Variants in CHD8 observed in about 807,000 individuals in gnomAD.
The protein encoded by CHD8 is ATP-dependent chromatin remodeler CHD8.
In CHD8, 31 loss-of-function variants were observed where a neutral mutation model predicts 279.2. The observed-to-expected ratio is 0.11, with a 90% CI of 0.08 to 0.15. The LOEUF (loss-of-function observed/expected upper bound fraction) is 0.15, where lower values mean the gene tolerates loss of function less well. Ranked by LOEUF, CHD8 falls within the 10% of genes least tolerant of loss-of-function variation. The pLI is 1.00. For missense variants in CHD8, 2,146 were observed against 3,230.5 expected (o/e 0.66, Z 8.14); for synonymous variants, 1,081 against 1,139.6 (o/e 0.95, Z 1.04).
chr14:21,430,764 G>A (rs1889532745), intron 2 of CHD8, 37 bp downstream of exon 2: 1 of 1,443,534 alleles, frequency 6.9e-7, no homozygotes, highest in African/African-American at 1.4e-5. Flanking sequence ...GGCCCTCTAT[G>A]AAACCAAAAT....
At chr14:21,390,550 C>T (rs1165045823) in intron 37 of CHD8, among the ~76,000 whole-genome samples, 7 of 152,078 alleles carry the variant, frequency 4.6e-5, no homozygotes, top group African/African-American at 7.2e-5. Flanking sequence ...GAGGCCGAGG[C>T]GGGTGGATCA....
At chr14:21,417,867 T>A (rs957749623) in intron 5 of CHD8, among the ~76,000 whole-genome samples, 3,288 of 122,566 alleles carry the variant, frequency 0.027, 135 homozygotes, top group African/African-American at 0.094. Context: ...AAAAAAAAAA[T>A]ATATATATAT....
intron 20 of CHD8, 124 bp downstream of exon 20, chr14:21,401,833 G>A (rs1284706995): frequency 1.4e-5 from 12 of 883,076 alleles, no homozygotes; most frequent in African/African-American, 1.0e-4. Context: ...TGATCTGCCC[G>A]CCTCAGCCTC....
intron 30 of CHD8, 196 bp from the exon 31 acceptor site, chr14:21,394,681 G>C (rs1887700186): frequency 1.6e-6 from 1 of 629,512 alleles, no homozygotes; most frequent in African/African-American, 1.9e-5. Flanking sequence ...CAGAGCCAAG[G>C]GGGAAAAGAC....
intron 5 of CHD8, among the ~76,000 whole-genome samples, chr14:21,424,144 T>C (rs187863563): frequency 2.4e-4 from 37 of 152,336 alleles, no homozygotes; most frequent in Admixed American, 2.6e-4. Context: ...TTATAGACAG[T>C]TCATAAATTT....
rs981573322 is a variant in CHD8, at chr14:21,437,215, G to A, written c.-215-5357C>T. Reference sequence around the variant, plus strand: ...TTACCTGCAGTGGCTGTGGGGGGCCGGTTCGCCCCTCTCCCTGTCTCTCCA... The same window carrying A: ...TTACCTGCAGTGGCTGTGGGGGGCCAGTTCGCCCCTCTCCCTGTCTCTCCA... On this transcript the variant is annotated intron_variant, in intron 1 of 37. Coordinates refer to ENST00000646647, the MANE Select transcript of CHD8 (RefSeq NM_001170629.2). The A allele has an allele frequency of 2.8e-5, 33 of 1,181,084 alleles. 1 individual carries two copies. The South Asian group carries it at 4.7e-4, about 17-fold the overall frequency. The allele number at this position is 1,181,084 out of a possible 1,614,324, so 73.2% of individuals were successfully genotyped here.
At chr14:21,394,722 A>G in intron 30 of CHD8, 190 bp downstream of exon 30, 1 of 658,756 alleles carries the variant, frequency 1.5e-6, no homozygotes, top group South Asian at 2.0e-5. Flanking sequence ...ATGTCTACAC[A>G]GGAGACCTAC....
chr14:21,427,097 G>A (rs1889352028), intron 4 of CHD8: 1 of 152,280 alleles, frequency 6.6e-6, no homozygotes, highest in African/African-American at 2.4e-5. Context: ...GCTAATTTCA[G>A]TTTTCCATTT....
Position 21,401,880 on chromosome 14 carries a change from C to T in CHD8, c.4062+77G>A, listed in dbSNP as rs969215285. 4 of 1,374,304 alleles carry T rather than the reference C, an allele frequency of 2.9e-6. No individual in the cohort carries two copies. In the East Asian group the frequency reaches 9.3e-5, roughly 32 times the overall value. 85.1% of individuals were successfully genotyped at this position (1,374,304 alleles called of 1,614,324 possible). On this transcript the variant is annotated intron_variant, in intron 20 of 37. Transcript: ENST00000646647. ...GGAATATAGGCATGAGCCACCATCC[C>T]CAGCATAAAAACATAATTAAATCCT...
intron 1 of CHD8, among the ~76,000 whole-genome samples, chr14:21,448,008 G>C (rs927686100): frequency 6.6e-6 from 1 of 152,184 alleles, no homozygotes; most frequent in African/African-American, 2.4e-5. Flanking sequence ...TTAGGTAACA[G>C]ATTCATGTCC....
At chr14:21,450,525 C>T (rs985313485) in intron 1 of CHD8, among the ~76,000 whole-genome samples, 12 of 151,928 alleles carry the variant, frequency 7.9e-5, no homozygotes, top group African/African-American at 2.4e-4. Flanking sequence ...TGATATGGGC[C>T]GGCCTGTAAC....
intron 5 of CHD8, among the ~76,000 whole-genome samples, chr14:21,418,601 G>C (rs910817050): frequency 2.0e-5 from 3 of 152,204 alleles, no homozygotes; most frequent in African/African-American, 7.2e-5. Flanking sequence ...ATATCATGAG[G>C]TCAGGAGATC....
chr14:21,395,888 C>T lies in CHD8; in HGVS notation c.5056G>A (p.Asp1686Asn), dbSNP rs1243797944. 6.2e-7 allele frequency: 1 copy of T among 1,608,910 alleles called. No homozygotes were observed. ...DNFSDIVEGVDFDKDCEDPEY... is the reference protein window; with the variant it reads ...DNFSDIVEGVNFDKDCEDPEY... The stretch of plus-strand genomic sequence containing the variant: ...GGATCTTCACAATCTTTATCAAAGT[C>T]AACCCTAAAATTATGGAGAGGCACA... Residue 1686 changes from aspartate to asparagine, a missense_variant, in exon 28 of 38, where the codon GAC becomes AAC. Coordinates refer to ENST00000646647, the MANE Select transcript of CHD8 (RefSeq NM_001170629.2).
intron 1 of CHD8, among the ~76,000 whole-genome samples, chr14:21,447,312 T>C (rs1320302064): frequency 2.0e-5 from 3 of 152,088 alleles, no homozygotes; most frequent in African/African-American, 7.2e-5. Flanking sequence ...GTTAGGACTA[T>C]AATGCCTCAG....
chr14:21,389,381 C>A (rs1024778582), intron 37 of CHD8, among the ~76,000 whole-genome samples: 7 of 151,698 alleles, frequency 4.6e-5, no homozygotes, highest in Non-Finnish European at 8.8e-5. Context: ...GAGGCTTAGG[C>A]AGGTGGATCA....
At chr14:21,392,880 T>C (rs1887610829) in intron 33 of CHD8, 71 bp from the exon 34 acceptor site, 3 of 1,461,572 alleles carry the variant, frequency 2.1e-6, no homozygotes, top group Non-Finnish European at 2.8e-6. Flanking sequence ...TGATACTCAA[T>C]AGTGCCATCA....
chr14:21,400,849 C>A lies in CHD8; in HGVS notation c.4370+26G>T, dbSNP rs1887999549. ...CAGGATGGAGATGCACTATGCACTA[C>A]CTCTAATGGTAAGTTGGGGTCTTAC... On this transcript the variant is annotated intron_variant, in intron 22 of 37. Transcript: ENST00000646647. The surrounding 1 kb of genome is among the most constrained non-coding windows in gnomAD (Gnocchi z 4.2). The A allele has an allele frequency of 6.3e-7, 1 of 1,578,788 alleles. No homozygotes were observed.
chr14:21,437,224 C>G, intron 1 of CHD8: 1 of 1,185,248 alleles, frequency 8.4e-7, no homozygotes, highest in Non-Finnish European at 1.1e-6. Context: ...CGGTTCGCCC[C>G]TCTCCCTGTC....
rs777765819 is a variant in CHD8 at position 21,393,643 on chromosome 14, G to T, written c.6152C>A (p.Thr2051Asn). 6.2e-7 allele frequency: 1 copy of T among 1,613,968 alleles called. No individual in the cohort carries two copies. ...TGGAACACTCCGGGAAACCAGAGGG[G>T]TAGTATCAGAGGGGGATACTCGCAT... ...YEMRVSPSDT[T>N]PLVSRSVPPV... Residue 2051 changes from threonine (T) to asparagine (N), a missense_variant, in exon 32 of 38, where the codon ACC (threonine) becomes AAC (asparagine). Thr to Asn is a moderately conservative substitution (Grantham distance 65). Around this residue, in one of 26 missense-constraint regions of CHD8, gnomAD observed 513 missense variants for 637.6 expected, o/e 0.80. Transcript: ENST00000646647.
Sources: gnomAD v4.1 joint callset for allele counts (sites outside exome capture counted in the v4.1 genomes callset) on GRCh38, gnomAD v4.1.1 for gene constraint, gnomAD v4.1.1 regional missense constraint, Gnocchi (gnomAD v3.1) non-coding constraint, MANE v1.5 for transcripts, NCBI Gene and HGNC (gene_info 2026-07-23, HGNC 2026-07-21) for gene names.